Variants in ZNF143 observed in about 807,000 individuals in gnomAD.
ZNF143 encodes the protein zinc finger protein 143.
In ZNF143, 49 loss-of-function variants were observed where a neutral mutation model predicts 74.1. The observed-to-expected ratio is 0.66, with a 90% CI of 0.53 to 0.84. The LOEUF (loss-of-function observed/expected upper bound fraction) is 0.84. Ranked by LOEUF, ZNF143 falls within the 40% of genes least tolerant of loss-of-function variation. ZNF143 has a pLI of 0.00. For missense variants in ZNF143, 637 were observed against 793.4 expected (o/e 0.80, Z 2.37); for synonymous variants, 304 against 282.8 (o/e 1.07, Z -0.75).
At chr11:9,520,022 C>G (rs1053247715) in intron 14 of ZNF143, among the ~76,000 whole-genome samples, 7 of 142,478 alleles carry the variant, frequency 4.9e-5, no homozygotes, top group African/African-American at 2.0e-4. Context: ...ACTGTTTCCA[C>G]CAATTTTTTT....
At chr11:9,484,799 G>GTTTTTTTTTTTT (rs1316309780) in intron 7 of ZNF143, among the ~76,000 whole-genome samples, 745 of 23,936 alleles carry the variant, frequency 0.031, 57 homozygotes, top group African/African-American at 0.066. Context: ...CCTGGCCAAA[G>GTTTTTTTTTTTT]ATTTTTTTTT....
chr11:9,527,777 A>AT lies in ZNF143; in HGVS notation c.*165dup, dbSNP rs1849180785. The AT allele has an allele frequency of 4.9e-6, 3 of 611,532 alleles. No individual in the cohort carries two copies. The highest frequency in any genetic ancestry group is 2.9e-5 in the Admixed American group (1 of 34,146). 37.9% of individuals were successfully genotyped at this position (611,532 alleles called of 1,614,324 possible). ...CATTTTATTCTTGACACTTTTGTGT[A>AT]TATAACCCTTGGAATAGATTCTCAG... On this transcript the variant is annotated 3_prime_UTR_variant, in exon 16 of 16. Coordinates refer to ENST00000396602, the MANE Select transcript of ZNF143 (RefSeq NM_003442.6).
chr11:9,522,840 A>G (rs1454044409), intron 14 of ZNF143, among the ~76,000 whole-genome samples: 3 of 150,414 alleles, frequency 2.0e-5, no homozygotes, highest in African/African-American at 7.4e-5. Flanking sequence ...CAGATGGAGA[A>G]TGTATATTAA....
chr11:9,518,973 GT>G (rs1848818445), intron 14 of ZNF143, among the ~76,000 whole-genome samples: 1 of 152,118 alleles, frequency 6.6e-6, no homozygotes, highest in African/African-American at 2.4e-5. Context: ...AGTTAAGCCT[GT>G]TTTTCATATT....
rs376327254 is a variant in ZNF143, at chr11:9,516,313, G to A, written c.1637G>A (p.Gly546Glu). Residue 546 changes from glycine (G) to glutamate (E), a missense_variant, in exon 14 of 16, where the codon GGA (glycine) becomes GAA (glutamate). Physicochemically the swap from Gly to Glu is moderately conservative, Grantham distance 98. This residue lies in a region of ZNF143 where 344 missense variants were observed against 485.6 expected (regional missense o/e 0.71). Transcript: ENST00000396602. ...CATGATGCAGTCATCTCCTCAGCAG[G>A]AACGCACTCTGTTGCTATGGTTACT... ...PAHDAVISSA[G>E]THSVAMVTAE... is the part of the protein sequence containing the mutation. 1.7e-5 allele frequency: 27 copies of A among 1,614,006 alleles called. No individual in the cohort carries two copies. In the African/African-American group the frequency reaches 3.2e-4, roughly 19 times the overall value.
At position 9,474,682 on chromosome 11, in the gene ZNF143, G is replaced by A. The variant is rs371590754; in HGVS notation, c.373+49G>A. 58 of 1,542,474 alleles carry A rather than the reference G, an allele frequency of 3.8e-5. 1 individual carries two copies. In the Middle Eastern group the frequency reaches 8.4e-4, roughly 22 times the overall value. ...ATAAAATAAGGGAGAAGTGGGAGTG[G>A]TGGGGGAAAGAAGACCTGTGTTTAG... On this transcript the variant is annotated intron_variant, in intron 5 of 15. Coordinates refer to ENST00000396602, the MANE Select transcript of ZNF143 (RefSeq NM_003442.6).
chr11:9,496,247 C>T (rs1310803688), intron 8 of ZNF143, 56 bp from the exon 9 acceptor site: 1 of 1,521,212 alleles, frequency 6.6e-7, no homozygotes, highest in East Asian at 2.3e-5. Context: ...GTGTTGCAAC[C>T]ATCTTCCTGA....
intron 8 of ZNF143, 60 bp from the exon 9 acceptor site, chr11:9,496,243 C>A: frequency 6.7e-7 from 1 of 1,499,092 alleles, no homozygotes; most frequent in Non-Finnish European, 9.3e-7. Context: ...TTCTGTGTTG[C>A]AACCATCTTC....
At chr11:9,493,407 T>C (rs758535684) in intron 7 of ZNF143, among the ~76,000 whole-genome samples, 3 of 152,184 alleles carry the variant, frequency 2.0e-5, no homozygotes, top group Non-Finnish European at 4.4e-5. Context: ...TCAACAGATC[T>C]ACCTTTATTC....
At chr11:9,524,045 CAAAAAA>C (rs533664056) in intron 14 of ZNF143, among the ~76,000 whole-genome samples, 1 of 86,766 alleles carries the variant, frequency 1.2e-5, no homozygotes, top group Non-Finnish European at 2.3e-5. Context: ...GAGACTACCT[CAAAAAA>C]AAAAAAAAAA....
intron 1 of ZNF143, chr11:9,471,019 G>A (rs78373323): frequency 0.012 from 1,984 of 166,200 alleles, 41 homozygotes; most frequent in African/African-American, 0.044. Context: ...CTAATTATGG[G>A]AATTCTAGAG....
In ZNF143 at chr11:9,471,495, A is replaced by G. The variant is rs191732552; in HGVS notation, c.112+75A>G. Reference sequence around the variant, plus strand: ...AAAGAAAAAAAATTTACAACTTCCTAGTTCCTGATTTAGCAGAAAACAATA... The same window carrying G: ...AAAGAAAAAAAATTTACAACTTCCTGGTTCCTGATTTAGCAGAAAACAATA... On this transcript the variant is annotated intron_variant, in intron 2 of 15. Coordinates refer to ENST00000396602, the MANE Select transcript of ZNF143 (RefSeq NM_003442.6). 1.5e-3 allele frequency: 1,671 copies of G among 1,093,356 alleles called. 3 individuals are homozygous for G. Among genetic ancestry groups the G allele is most frequent in the Non-Finnish European group, 1.7e-3 (1,316 of 774,120 alleles). The allele number at this position is 1,093,356 out of a possible 1,614,324, so 67.7% of individuals were successfully genotyped here.
chr11:9,469,926 C>T (rs533567328), intron 1 of ZNF143, among the ~76,000 whole-genome samples: 6 of 152,252 alleles, frequency 3.9e-5, no homozygotes, highest in East Asian at 1.9e-4. Flanking sequence ...AATGAAGGTA[C>T]AGTTTATAGT....
intron 1 of ZNF143, among the ~76,000 whole-genome samples, chr11:9,464,176 G>T (rs549292827): frequency 3.9e-5 from 6 of 151,932 alleles, no homozygotes; most frequent in African/African-American, 1.4e-4. Flanking sequence ...CTCTCACCCA[G>T]ACTGGAGTGC....
At position 9,508,851 on chromosome 11, in the gene ZNF143, G is replaced by C; in HGVS notation, c.1375+5G>C. On this transcript the variant is annotated splice_donor_5th_base_variant and intron_variant, in intron 12 of 15. Transcript: ENST00000396602. ...CCTTCTTTGAGCCGCCCCCAGGTGA[G>C]AGTTTTGTCTACTATATTTTGTTTC... 6.4e-7 allele frequency: 1 copy of C among 1,565,198 alleles called. No individual in the cohort carries two copies. Among genetic ancestry groups the C allele is most frequent in the Non-Finnish European group, 8.7e-7 (1 of 1,154,020 alleles).
At chr11:9,484,011 G>T (rs1348910746) in intron 7 of ZNF143, among the ~76,000 whole-genome samples, 1 of 151,336 alleles carries the variant, frequency 6.6e-6, no homozygotes, top group African/African-American at 2.5e-5. Flanking sequence ...GCCTCCCAAA[G>T]TGCTGGGATT....
chr11:9,511,077 T>G (rs2134169384), intron 12 of ZNF143, among the ~76,000 whole-genome samples: 1 of 151,078 alleles, frequency 6.6e-6, no homozygotes, highest in African/African-American at 2.4e-5. Context: ...AAAATGAAAA[T>G]AGTCTTAACC....
chr11:9,490,968 C>T (rs780321225), intron 7 of ZNF143, among the ~76,000 whole-genome samples: 28 of 152,198 alleles, frequency 1.8e-4, no homozygotes, highest in Non-Finnish European at 2.8e-4. Flanking sequence ...CCTGGGCTCA[C>T]GCGATCCTCC....
chr11:9,462,021 C>T (rs898842543), intron 1 of ZNF143: 3 of 152,114 alleles, frequency 2.0e-5, no homozygotes, highest in African/African-American at 4.8e-5. Context: ...CTTGTGTTTT[C>T]CTGTAGTTGA....
Sources: allele counts gnomAD v4.1 joint callset (sites outside exome capture counted in the v4.1 genomes callset), GRCh38; gene constraint gnomAD v4.1.1; regional missense constraint gnomAD v4.1.1; transcripts MANE v1.5; gene names NCBI Gene and HGNC (gene_info 2026-07-23, HGNC 2026-07-21).